Variants in PEX7 observed in about 807,000 individuals in gnomAD.
PEX7 encodes the protein peroxisomal biogenesis factor 7, also known as PTS2 receptor.
PEX7 carries 34 observed loss-of-function variants against 47.5 expected under a neutral mutation model. That is an observed-to-expected ratio of 0.72 (90% CI 0.54 to 0.95). The LOEUF (loss-of-function observed/expected upper bound fraction) is 0.95, where lower values mean the gene tolerates loss of function less well. PEX7 is among the 40% of genes least tolerant of loss of function. PEX7 has a pLI of 0.00. For synonymous variants in PEX7, 141 were observed against 148.8 expected, an observed-to-expected ratio of 0.95 and a Z score of 0.38; for missense variants, 394 against 400.3, an observed-to-expected ratio of 0.98 and a Z score of 0.13.
In PEX7 at chr6:136,826,420, C is replaced by G. The variant is rs1391235393; in HGVS notation, c.290C>G (p.Thr97Ser). 4 of 1,613,786 alleles carry G rather than the reference C, an allele frequency of 2.5e-6. No homozygotes were observed. In the Admixed American group the frequency reaches 6.7e-5, roughly 27 times the overall value. ...SGDGSLQLWD[T>S]AKAAGPLQVY... The stretch of plus-strand genomic sequence containing the variant: ...GATGGCTCGCTGCAGCTCTGGGACA[C>G]TGCCAAAGCTGCAGGGCCACTGCAA... The change falls in exon 3 of 10, where the codon ACT becomes AGT. Residue 97 changes from threonine (T) to serine (S), a missense_variant. Thr to Ser is a moderately conservative substitution (Grantham distance 58). Coordinates refer to ENST00000318471, the MANE Select transcript of PEX7 (RefSeq NM_000288.4).
At chr6:136,869,787 A>G in intron 6 of PEX7, 103 bp from the exon 7 acceptor site, 2 of 886,424 alleles carry the variant, frequency 2.3e-6, no homozygotes, top group South Asian at 2.6e-5. Flanking sequence ...CTTGGTTCAT[A>G]TTAAATAGTT....
At chr6:136,874,168 A>G (rs1018170304) in intron 8 of PEX7, among the ~76,000 whole-genome samples, 1 of 152,346 alleles carries the variant, frequency 6.6e-6, no homozygotes, top group Admixed American at 6.5e-5. Context: ...AAGCTCTGGA[A>G]CAACTTGTAC....
chr6:136,826,329 A>G lies in PEX7; in HGVS notation c.199A>G (p.Asn67Asp). ...TTTTTCCTAGTGTAGCTTTGACTGG[A>G]ATGATGGTTTGTTTGATGTGACTTG... The part of the protein sequence containing the change: ...GLRLFRSFDW[N>D]DGLFDVTWSE... The change falls in exon 3 of 10, where the codon AAT becomes GAT. Residue 67 changes from asparagine to aspartate, a missense_variant. Physicochemically the swap from Asn to Asp is conservative, Grantham distance 23. Transcript: ENST00000318471. 6.2e-7 allele frequency: 1 copy of G among 1,613,876 alleles called. No individual in the cohort carries two copies. The highest frequency in any genetic ancestry group is 8.5e-7 in the Non-Finnish European group (1 of 1,179,988).
rs9402852 is a variant in PEX7, at chr6:136,850,741, G to T, written c.526+4560G>T. On this transcript the variant is annotated intron_variant, in intron 5 of 9. Transcript: ENST00000318471. ...GAGACACGCATCTGCTTGTCAATGA[G>T]CAGGTTGAGCTTGGAGCTGAGAACT... 4.4e-3 allele frequency among the ~76,000 whole-genome samples: 667 copies of T among 152,178 alleles called. 20 individuals carry two copies. Among genetic ancestry groups the T allele is most frequent in the Admixed American group, 0.035 (532 of 15,266 alleles).
chr6:136,856,291 TAA>T (rs397759780), intron 5 of PEX7, among the ~76,000 whole-genome samples: 843 of 70,568 alleles, frequency 0.012, 6 homozygotes, highest in African/African-American at 0.031. Context: ...TGGTTGAAAG[TAA>T]AAAAAAAAAA....
At chr6:136,907,862 A>C (rs1313455578) in intron 9 of PEX7, among the ~76,000 whole-genome samples, 1 of 152,152 alleles carries the variant, frequency 6.6e-6, no homozygotes, top group Non-Finnish European at 1.5e-5. Context: ...TTTCCATTTT[A>C]ATGTTTCCTT....
intron 3 of PEX7, among the ~76,000 whole-genome samples, chr6:136,843,436 T>G (rs1040680780): frequency 2.6e-5 from 4 of 152,072 alleles, no homozygotes; most frequent in Non-Finnish European, 5.9e-5. Flanking sequence ...ACAAATAAAG[T>G]TTTTTTGGAA....
chr6:136,842,759 A>T (rs1774524661), intron 3 of PEX7, among the ~76,000 whole-genome samples: 1 of 152,204 alleles, frequency 6.6e-6, no homozygotes, highest in African/African-American at 2.4e-5. Flanking sequence ...TATGTGAGTT[A>T]TGTAACATTC....
chr6:136,837,340 C>T (rs1346330777), intron 3 of PEX7, among the ~76,000 whole-genome samples: 10 of 117,616 alleles, frequency 8.5e-5, no homozygotes, highest in South Asian at 8.1e-4. Flanking sequence ...CCAGCCTGGG[C>T]GACAGAGTGA....
At chr6:136,873,774 T>C (rs774841900) in intron 8 of PEX7, among the ~76,000 whole-genome samples, 9 of 152,204 alleles carry the variant, frequency 5.9e-5, no homozygotes, top group Admixed American at 1.3e-4. Context: ...TATGTTTACT[T>C]GTTTGTCATA....
intron 5 of PEX7, among the ~76,000 whole-genome samples, chr6:136,852,254 C>T (rs1480408314): frequency 6.6e-6 from 1 of 151,244 alleles, no homozygotes; most frequent in African/African-American, 2.4e-5. Flanking sequence ...TGGCACAAGA[C>T]AGGGATGCCC....
intron 3 of PEX7, among the ~76,000 whole-genome samples, chr6:136,836,112 G>C (rs971825407): frequency 7.9e-5 from 12 of 152,224 alleles, no homozygotes; most frequent in African/African-American, 2.4e-4. Flanking sequence ...GCATATGTAG[G>C]AGAATTATGC....
intron 7 of PEX7, among the ~76,000 whole-genome samples, chr6:136,871,900 T>G (rs1285754213): frequency 6.6e-6 from 1 of 152,166 alleles, no homozygotes; most frequent in Non-Finnish European, 1.5e-5. Flanking sequence ...GAAATTGTAT[T>G]TAATTTTTCC....
chr6:136,846,482 A>G (rs979268478), intron 5 of PEX7, among the ~76,000 whole-genome samples: 2 of 151,848 alleles, frequency 1.3e-5, no homozygotes, highest in Non-Finnish European at 2.9e-5. Context: ...TCCTAATGCT[A>G]TCTCTCCCCC....
chr6:136,830,468 T>C (rs1308501845), intron 3 of PEX7, among the ~76,000 whole-genome samples: 1 of 152,184 alleles, frequency 6.6e-6, no homozygotes, highest in Non-Finnish European at 1.5e-5. Flanking sequence ...AAGAAAAACA[T>C]GGACATTATC....
chr6:136,845,519 T>C, intron 3 of PEX7, 96 bp from the exon 4 acceptor site: 2 of 771,206 alleles, frequency 2.6e-6, no homozygotes, highest in South Asian at 1.4e-5. Context: ...CATAGTAAAT[T>C]AGTTGTTCTG....
At chr6:136,856,967 T>C (rs911666395) in intron 5 of PEX7, among the ~76,000 whole-genome samples, 4 of 152,250 alleles carry the variant, frequency 2.6e-5, no homozygotes, top group African/African-American at 7.2e-5. Context: ...GGAAGATTGA[T>C]TTTTCAAACA....
Position 136,900,790 on chromosome 6 carries a change from T to C in PEX7, c.903+2549T>C. 3 of 329,488 alleles carry C rather than the reference T, an allele frequency of 9.1e-6. No homozygotes were observed. Among genetic ancestry groups the C allele is most frequent in the Admixed American group, 4.1e-5 (1 of 24,286 alleles). 20.4% of individuals were successfully genotyped at this position (329,488 alleles called of 1,614,324 possible). A position where few individuals can be genotyped will look rare whatever the true frequency, so the allele number is the denominator to read the frequency against. On this transcript the variant is annotated intron_variant, in intron 9 of 9. Coordinates refer to ENST00000318471, the MANE Select transcript of PEX7 (RefSeq NM_000288.4). This position sits in a 1 kb window ranked among gnomAD's most constrained non-coding sequence, Gnocchi z 4.2. ...GACAGGTGGTCTCTTAGTGGGGACATCCCCTTTGCCAACAGCTTTCTTCTC... is the reference window on the plus strand; with the variant it reads ...GACAGGTGGTCTCTTAGTGGGGACACCCCCTTTGCCAACAGCTTTCTTCTC...
intron 8 of PEX7, among the ~76,000 whole-genome samples, chr6:136,883,380 C>T (rs1422910258): frequency 2.0e-5 from 3 of 152,164 alleles, no homozygotes; most frequent in African/African-American, 7.2e-5. Flanking sequence ...AAGCCACTAG[C>T]GACCTCTGTA....
Sources: allele counts gnomAD v4.1 joint callset (sites outside exome capture counted in the v4.1 genomes callset), GRCh38; gene constraint gnomAD v4.1.1; non-coding constraint Gnocchi (gnomAD v3.1); transcripts MANE v1.5; gene names NCBI Gene and HGNC (gene_info 2026-07-23, HGNC 2026-07-21).